Variants in THSD7A observed in about 807,000 individuals in gnomAD.
The protein encoded by THSD7A is thrombospondin type 1 domain containing 7A, also known as thrombospondin type-1 domain-containing protein 7A.
THSD7A carries 96 observed loss-of-function variants against 231.3 expected under a neutral mutation model. That is an observed-to-expected ratio of 0.41 (90% CI 0.35 to 0.49). The LOEUF is 0.49. THSD7A is among the 20% of genes least tolerant of loss of function. The pLI is 0.05. For missense variants in THSD7A, 2,290 were observed against 2,070.2 expected (o/e 1.11, Z -2.06); for synonymous variants, 940 against 743.3 (o/e 1.26, Z -4.30).
intron 1 of THSD7A, among the ~76,000 whole-genome samples, chr7:11,829,397 C>A (rs1231737369): frequency 6.6e-6 from 1 of 151,960 alleles, no homozygotes. Context: ...ATGAGTATTA[C>A]AAAATAGGAA....
intron 16 of THSD7A, 37 bp from the exon 17 acceptor site, chr7:11,417,640 A>G: frequency 1.3e-6 from 2 of 1,581,720 alleles, no homozygotes; most frequent in East Asian, 2.3e-5. Flanking sequence ...GAAAATATAC[A>G]TACATTCTAG....
chr7:11,779,711 G>C (rs1783561535), intron 1 of THSD7A, among the ~76,000 whole-genome samples: 2 of 152,084 alleles, frequency 1.3e-5, no homozygotes, highest in South Asian at 4.1e-4. Context: ...ATGCATCATT[G>C]TATTAATTTC....
At chr7:11,821,254 G>C in intron 1 of THSD7A, 1 of 1,108,398 alleles carries the variant, frequency 9.0e-7, no homozygotes, top group Non-Finnish European at 1.4e-6. Context: ...TCTACGCTGA[G>C]ACTGAGCTGA....
At chr7:11,523,114 A>G (rs568994537) in intron 6 of THSD7A, among the ~76,000 whole-genome samples, 94 of 152,256 alleles carry the variant, frequency 6.2e-4, no homozygotes, top group African/African-American at 2.1e-3. Flanking sequence ...GAAACATAAC[A>G]CATAATTTTC....
chr7:11,590,696 T>C lies in THSD7A; in HGVS notation c.1272-55A>G. 9.9e-6 allele frequency: 15 copies of C among 1,520,834 alleles called. No individual in the cohort carries two copies. Among genetic ancestry groups the C allele is most frequent in the Admixed American group, 2.2e-5 (1 of 44,816 alleles). The allele number at this position is 1,520,834 out of a possible 1,614,324, so 94.2% of individuals were successfully genotyped here. On this transcript the variant is annotated intron_variant, in intron 3 of 27. Transcript: ENST00000423059. The surrounding 1 kb of genome is among the most constrained non-coding windows in gnomAD (Gnocchi z 4.4). Reference sequence around the variant, plus strand: ...CCATAATTATTGAATGACGTGTTTCTCTACTCCTGTCATACTTTGTTTTAA... The same window carrying C: ...CCATAATTATTGAATGACGTGTTTCCCTACTCCTGTCATACTTTGTTTTAA...
Position 11,541,420 on chromosome 7 carries a change from A to G in THSD7A, c.1821T>C (p.Asp607=), listed in dbSNP as rs1789141299. The G allele has an allele frequency of 4.3e-6, 7 of 1,613,920 alleles. No homozygotes were observed. The highest frequency in any genetic ancestry group is 1.3e-5 in the African/African-American group (1 of 75,054). ...ACATAATAGATACGTCTGTCTTACC[A>G]TCACTGTTGATGCACACAACCTCTT... ...QVQEVVCINS[D]GEEVDRQLCR... Residue 607 remains aspartate (D), a splice_region_variant and synonymous_variant, in exon 6 of 28, where the codon GAT becomes GAC. Coordinates refer to ENST00000423059, the MANE Select transcript of THSD7A (RefSeq NM_015204.3).
At chr7:11,386,983 ATTGT>A (rs1782771712) in intron 23 of THSD7A, among the ~76,000 whole-genome samples, 1 of 151,578 alleles carries the variant, frequency 6.6e-6, no homozygotes, top group Admixed American at 6.6e-5. Flanking sequence ...TTCCCCATTG[ATTGT>A]TTTTGTCAGG....
At chr7:11,491,553 A>T (rs1786894846) in intron 6 of THSD7A, among the ~76,000 whole-genome samples, 1 of 152,152 alleles carries the variant, frequency 6.6e-6, no homozygotes, top group African/African-American at 2.4e-5. Flanking sequence ...TGGAAGTGCT[A>T]TGATACAGTT....
chr7:11,461,328 A>C (rs552824511), intron 10 of THSD7A, among the ~76,000 whole-genome samples: 3 of 152,192 alleles, frequency 2.0e-5, no homozygotes, highest in Non-Finnish European at 4.4e-5. Flanking sequence ...TAAGATGCCA[A>C]ATTTGACAAT....
chr7:11,459,673 T>C (rs1785430057), intron 11 of THSD7A, among the ~76,000 whole-genome samples: 2 of 90,030 alleles, frequency 2.2e-5, no homozygotes, highest in Non-Finnish European at 3.9e-5. Flanking sequence ...GGATTTTTTT[T>C]TTTTTTTTTT....
At chr7:11,518,406 G>A (rs560777487) in intron 6 of THSD7A, among the ~76,000 whole-genome samples, 3 of 152,242 alleles carry the variant, frequency 2.0e-5, no homozygotes, top group Admixed American at 6.5e-5. Context: ...GGGTAGGAGA[G>A]TGTACTCTAA....
chr7:11,447,303 C>T lies in THSD7A; in HGVS notation c.2727G>A (p.Leu909=). 1 of 1,613,010 alleles carries T rather than the reference C, an allele frequency of 6.2e-7. No individual in the cohort carries two copies. The highest frequency in any genetic ancestry group is 8.5e-7 in the Non-Finnish European group (1 of 1,179,446). ...ATGAAGAAAACTTGGACCAGCTGGT[C>T]AATTGACAGTCATCCTGGCAGGGGA... ...CQIPCQDDCQ[L]TSWSKFSSCN... Residue 909 remains leucine (L), a synonymous_variant, in exon 12 of 28, where the codon TTG becomes TTA. Coordinates refer to ENST00000423059, the MANE Select transcript of THSD7A (RefSeq NM_015204.3).
chr7:11,379,207 AGT>A lies in THSD7A; in HGVS notation c.4662_4663del (p.Leu1555TyrfsTer30), dbSNP rs1374686517. ...GGTGGGTAATACCACCACGGGGATAAGTGTGCATTGCTCAAGGGTGCTGTTAG... is the reference window on the plus strand; with the variant it reads ...GGTGGGTAATACCACCACGGGGATAAGTGCATTGCTCAAGGGTGCTGTTAG... On this transcript the variant is annotated frameshift_variant, in exon 26 of 28. Coordinates refer to ENST00000423059, the MANE Select transcript of THSD7A (RefSeq NM_015204.3). LOFTEE classifies it high-confidence loss of function. 1 of 1,613,544 alleles carries A rather than the reference AGT, an allele frequency of 6.2e-7. No individual in the cohort carries two copies. The highest frequency in any genetic ancestry group is 8.5e-7 in the Non-Finnish European group (1 of 1,179,700).
intron 1 of THSD7A, among the ~76,000 whole-genome samples, chr7:11,786,759 T>TA (rs58923353): frequency 1.2e-3 from 127 of 108,560 alleles, no homozygotes; most frequent in South Asian, 2.3e-3. Flanking sequence ...AGTATAATAA[T>TA]AAAAAAAAAA....
In THSD7A at chr7:11,409,634, C is replaced by T. The variant is rs570487827; in HGVS notation, c.3798+1573G>A. On this transcript the variant is annotated intron_variant, in intron 19 of 27. Transcript: ENST00000423059. ...CTCTCATTTATTTTATATTTCATTCCGACCAAGGAGTACATTTATGTGTGC... is the reference window on the plus strand; with the variant it reads ...CTCTCATTTATTTTATATTTCATTCTGACCAAGGAGTACATTTATGTGTGC... Among the ~76,000 whole-genome samples the T allele has an allele frequency of 5.3e-5, 8 of 152,140 alleles. No homozygotes were observed. In the South Asian group the frequency reaches 8.3e-4, roughly 16 times the overall value.
At chr7:11,512,481 C>T (rs1225583557) in intron 6 of THSD7A, among the ~76,000 whole-genome samples, 1 of 152,072 alleles carries the variant, frequency 6.6e-6, no homozygotes, top group Non-Finnish European at 1.5e-5. Flanking sequence ...AAGACACATG[C>T]ACACATATTT....
chr7:11,790,672 T>A (rs1783926394), intron 1 of THSD7A, among the ~76,000 whole-genome samples: 1 of 151,514 alleles, frequency 6.6e-6, no homozygotes. Context: ...CTAGAAAAGT[T>A]TTTTATGAAA....
At chr7:11,457,133 T>C (rs918203078) in intron 11 of THSD7A, among the ~76,000 whole-genome samples, 3 of 152,080 alleles carry the variant, frequency 2.0e-5, no homozygotes, top group Non-Finnish European at 2.9e-5. Flanking sequence ...CTTAGCTTTT[T>C]TATAACTTCA....
intron 1 of THSD7A, among the ~76,000 whole-genome samples, chr7:11,828,866 C>G (rs1785105395): frequency 6.6e-6 from 1 of 152,088 alleles, no homozygotes; most frequent in African/African-American, 2.4e-5. Flanking sequence ...AACTTACATG[C>G]ATTTTCTTCC....
Sources: gnomAD v4.1 joint callset for allele counts (sites outside exome capture counted in the v4.1 genomes callset) on GRCh38, gnomAD v4.1.1 for gene constraint, Gnocchi (gnomAD v3.1) non-coding constraint, MANE v1.5 for transcripts, NCBI Gene and HGNC (gene_info 2026-07-23, HGNC 2026-07-21) for gene names.